SYN3: variants seen among roughly 807,000 people sequenced by gnomAD.
The protein encoded by SYN3 is synapsin-3.
Under a neutral mutation model 65.8 loss-of-function variants are expected in SYN3, and 35 were observed. The ratio of observed to expected loss-of-function variants is 0.53; its 90% CI spans 0.41 to 0.70. The LOEUF (loss-of-function observed/expected upper bound fraction) is 0.70. Among genes scored for constraint, SYN3 ranks in the 30% least tolerant of loss-of-function variants. The pLI, the probability that SYN3 is intolerant of heterozygous loss-of-function variation, is 0.00. For missense variants in SYN3, 680 were observed against 749.0 expected, an observed-to-expected ratio of 0.91 and a Z score of 1.08; for synonymous variants, 270 against 292.9, an observed-to-expected ratio of 0.92 and a Z score of 0.80.
At chr22:32,530,863 G>A (rs1053782561) in intron 10 of SYN3, among the ~76,000 whole-genome samples, 2 of 151,766 alleles carry the variant, frequency 1.3e-5, no homozygotes, top group Non-Finnish European at 2.9e-5. Context: ...AAAATTAGCC[G>A]GGCGTGGTGG....
In SYN3 at chr22:32,597,620, T is replaced by C. The variant is rs932924765; in HGVS notation, c.712-884A>G. Among the ~76,000 whole-genome samples the C allele has an allele frequency of 1.3e-5, 2 of 152,196 alleles. 1 individual carries two copies. Among genetic ancestry groups the C allele is most frequent in the South Asian group, 4.1e-4 (2 of 4,830 alleles). On this transcript the variant is annotated intron_variant, in intron 6 of 13. Transcript: ENST00000358763. ...GCTGCTTAATAATAGCGGCCATGTCTGCCTCTGGCACAAGCGTTTATCGAC... is the reference window on the plus strand; with the variant it reads ...GCTGCTTAATAATAGCGGCCATGTCCGCCTCTGGCACAAGCGTTTATCGAC...
At chr22:32,599,400 C>G (rs546174513) in intron 6 of SYN3, among the ~76,000 whole-genome samples, 1 of 151,758 alleles carries the variant, frequency 6.6e-6, no homozygotes, top group South Asian at 2.1e-4. Context: ...CGGCTCAGTG[C>G]AAGCTCCGCC....
intron 6 of SYN3, among the ~76,000 whole-genome samples, chr22:32,689,827 G>T (rs1452389157): frequency 3.9e-5 from 6 of 152,158 alleles, no homozygotes; most frequent in Admixed American, 2.0e-4. Flanking sequence ...CCTTTGGGAA[G>T]TGATTCGTCA....
intron 6 of SYN3, among the ~76,000 whole-genome samples, chr22:32,661,326 A>C (rs895938010): frequency 1.3e-5 from 2 of 152,178 alleles, no homozygotes; most frequent in Admixed American, 6.5e-5. Flanking sequence ...AAAGGGTCCA[A>C]TCTCCTTGCA....
intron 7 of SYN3, among the ~76,000 whole-genome samples, chr22:32,550,011 T>C (rs570718011): frequency 1.9e-4 from 29 of 152,314 alleles, no homozygotes; most frequent in African/African-American, 7.0e-4. Flanking sequence ...CTTGTTTTTA[T>C]AATTTTGGCT....
At chr22:33,053,674 C>A (rs920955693) in intron 1 of SYN3, among the ~76,000 whole-genome samples, 6 of 152,164 alleles carry the variant, frequency 3.9e-5, no homozygotes, top group Non-Finnish European at 8.8e-5. Context: ...ATTCCCTCTG[C>A]TTCTGTTACA....
In SYN3 at chr22:32,612,621, C is replaced by CG. The variant is rs2059460909; in HGVS notation, c.712-15886dup. 2.0e-5 allele frequency among the ~76,000 whole-genome samples: 3 copies of CG among 152,084 alleles called. No homozygotes were observed. The South Asian group carries it at 6.2e-4, about 32-fold the overall frequency. On this transcript the variant is annotated intron_variant, in intron 6 of 13. Transcript: ENST00000358763. ...TTTTGGGAGGTCAAGGCAGGAGGATCGCTTAAGGCCAAAAGTTAAAGACCA... is the reference window on the plus strand; with the variant it reads ...TTTTGGGAGGTCAAGGCAGGAGGATCGGCTTAAGGCCAAAAGTTAAAGACCA...
At chr22:32,675,122 G>C (rs1180024537) in intron 6 of SYN3, among the ~76,000 whole-genome samples, 1 of 152,188 alleles carries the variant, frequency 6.6e-6, no homozygotes, top group Non-Finnish European at 1.5e-5. Context: ...ACTAAGGGTA[G>C]AGAGAAAACT....
At chr22:32,928,407 G>A (rs241878) in intron 4 of SYN3, among the ~76,000 whole-genome samples, 149,232 of 152,376 alleles carry the variant, frequency 0.98, 73,085 homozygotes, top group East Asian at 1. Flanking sequence ...GCCTACCTTA[G>A]ACATTATCAG....
intron 6 of SYN3, among the ~76,000 whole-genome samples, chr22:32,769,586 G>A (rs533054360): frequency 4.7e-5 from 7 of 150,194 alleles, no homozygotes; most frequent in Middle Eastern, 3.4e-3. Flanking sequence ...GCGCGATCTC[G>A]GCTCAACGCA....
At chr22:32,759,662 CAG>C (rs1419454019) in intron 6 of SYN3, among the ~76,000 whole-genome samples, 18 of 135,144 alleles carry the variant, frequency 1.3e-4, no homozygotes, top group South Asian at 2.8e-4. Flanking sequence ...CACCCCCAGC[CAG>C]CACCCACGGC....
At position 32,536,992 on chromosome 22, in the gene SYN3, C is replaced by T. The variant is rs147809671; in HGVS notation, c.992+1044G>A. Among the ~76,000 whole-genome samples the T allele has an allele frequency of 1.5e-3, 225 of 152,258 alleles. 1 individual carries two copies. The highest frequency in any genetic ancestry group is 4.0e-3 in the African/African-American group (168 of 41,548). On this transcript the variant is annotated intron_variant, in intron 9 of 13. Coordinates refer to ENST00000358763, the MANE Select transcript of SYN3 (RefSeq NM_003490.4). ...TCCTTTAGCGCTCAGCACAACATGG[C>T]CTGCAGTAGGTACTCAATAGGTGTT...
chr22:32,915,405 G>C (rs1353199594), intron 4 of SYN3, among the ~76,000 whole-genome samples: 3 of 152,154 alleles, frequency 2.0e-5, no homozygotes, highest in Non-Finnish European at 2.9e-5. Flanking sequence ...CCAGAGGTTG[G>C]GTAAGGAACA....
intron 1 of SYN3, among the ~76,000 whole-genome samples, chr22:33,019,078 G>A (rs576540212): frequency 6.6e-5 from 10 of 152,282 alleles, no homozygotes; most frequent in African/African-American, 2.4e-4. Flanking sequence ...TTTCCACAGA[G>A]CAGAGAGAGC....
chr22:33,044,890 T>C (rs2054031705), intron 1 of SYN3, among the ~76,000 whole-genome samples: 1 of 151,316 alleles, frequency 6.6e-6, no homozygotes, highest in Admixed American at 6.6e-5. Context: ...TTGCCCAGGC[T>C]GGAGTGCAAT....
At chr22:32,699,532 A>AGGGAT (rs1450591657) in intron 6 of SYN3, among the ~76,000 whole-genome samples, 1 of 152,106 alleles carries the variant, frequency 6.6e-6, no homozygotes, top group Non-Finnish European at 1.5e-5. Context: ...GTGTGTGTGC[A>AGGGAT]GGGATGGGGG....
At chr22:32,875,226 C>T (rs780701557) in intron 4 of SYN3, among the ~76,000 whole-genome samples, 3 of 152,166 alleles carry the variant, frequency 2.0e-5, no homozygotes, top group African/African-American at 4.8e-5. Context: ...AGATGCACAC[C>T]GGTGGAGAAG....
At chr22:32,999,864 G>A (rs1410379254) in intron 2 of SYN3, among the ~76,000 whole-genome samples, 2 of 152,138 alleles carry the variant, frequency 1.3e-5, no homozygotes, top group African/African-American at 4.8e-5. Context: ...GGAGCAAAGT[G>A]AAACTGGTCA....
chr22:32,940,454 T>C (rs1005628174), intron 3 of SYN3, among the ~76,000 whole-genome samples: 11 of 152,216 alleles, frequency 7.2e-5, no homozygotes, highest in African/African-American at 2.7e-4. Context: ...CAAGGTCATG[T>C]AGGCACTCTC....
Sources: allele counts gnomAD v4.1 joint callset (sites outside exome capture counted in the v4.1 genomes callset), GRCh38; gene constraint gnomAD v4.1.1; transcripts MANE v1.5; gene names NCBI Gene and HGNC (gene_info 2026-07-23, HGNC 2026-07-21).